The following INPP4A variants were observed in gnomAD, a reference collection of about 807,000 sequenced individuals.
The protein encoded by INPP4A is inositol polyphosphate-4-phosphatase type I A.
A neutral mutation model predicts 119.8 loss-of-function variants in INPP4A; 33 were observed. The ratio of observed to expected loss-of-function variants is 0.28; its 90% CI spans 0.21 to 0.37. The LOEUF (loss-of-function observed/expected upper bound fraction) is 0.37. Ranked by LOEUF, INPP4A falls within the 10% of genes least tolerant of loss-of-function variation. The pLI is 1.00. For missense variants in INPP4A, 956 were observed against 1,289.9 expected (o/e 0.74, Z 3.97); for synonymous variants, 496 against 500.7 (o/e 0.99, Z 0.12).
chr2:98,476,020 A>T (rs999616436), intron 1 of INPP4A, among the ~76,000 whole-genome samples: 1 of 152,216 alleles, frequency 6.6e-6, no homozygotes, highest in Admixed American at 6.5e-5. Flanking sequence ...AACTCCAAAT[A>T]GCTTTGTGGT....
intron 1 of INPP4A, among the ~76,000 whole-genome samples, chr2:98,515,931 G>A (rs1251836268): frequency 3.3e-5 from 5 of 152,336 alleles, no homozygotes; most frequent in Middle Eastern, 3.4e-3. Flanking sequence ...ATGGCCTGCC[G>A]CCTCTTGTCG....
chr2:98,567,611 A>G (rs144161572), intron 21 of INPP4A, among the ~76,000 whole-genome samples: 1 of 152,210 alleles, frequency 6.6e-6, no homozygotes, highest in African/African-American at 2.4e-5. Flanking sequence ...AGCCAGGTGC[A>G]TTGAATAGAG....
Position 98,546,618 on chromosome 2 carries a change from C to G in INPP4A, c.1087C>G (p.Pro363Ala). 1 of 1,613,862 alleles carries G rather than the reference C, an allele frequency of 6.2e-7. No individual in the cohort carries two copies. Among genetic ancestry groups the G allele is most frequent in the Middle Eastern group, 1.6e-4 (1 of 6,062 alleles). Residue 363 changes from proline to alanine, a missense_variant, in exon 13 of 25, where the codon CCA becomes GCA. Around this residue, in one of 2 missense-constraint regions of INPP4A, gnomAD observed 652 missense variants for 797.9 expected, o/e 0.82. Transcript: ENST00000409851. This position sits in a 1 kb window ranked among gnomAD's most constrained non-coding sequence, Gnocchi z 4.2. ...CTACGACATCGTCACCATTGGGGCGCCAGCAGCACACTGCCAAGGTTTTAA... is the reference window on the plus strand; with the variant it reads ...CTACGACATCGTCACCATTGGGGCGGCAGCAGCACACTGCCAAGGTTTTAA... ...QNYDIVTIGAPAAHCQGFKSG... is the reference protein window; with the variant it reads ...QNYDIVTIGAAAAHCQGFKSG...
At chr2:98,487,152 GGTACATT>G (rs1363861695) in intron 1 of INPP4A, among the ~76,000 whole-genome samples, 1 of 152,184 alleles carries the variant, frequency 6.6e-6, no homozygotes, top group Non-Finnish European at 1.5e-5. Flanking sequence ...TAATCACCAT[GGTACATT>G]GTAGTGTGTT....
intron 1 of INPP4A, among the ~76,000 whole-genome samples, chr2:98,486,142 T>TC (rs1679493312): frequency 6.6e-6 from 1 of 152,238 alleles, no homozygotes; most frequent in African/African-American, 2.4e-5. Flanking sequence ...TAGCTTTTTT[T>TC]CTGGATACTT....
intron 18 of INPP4A, 112 bp from the exon 19 acceptor site, chr2:98,564,528 C>A: frequency 7.4e-7 from 1 of 1,342,546 alleles, no homozygotes. Flanking sequence ...CACTGAAGCC[C>A]CTTTGAGCAG....
chr2:98,512,576 C>G (rs767153274), intron 1 of INPP4A, among the ~76,000 whole-genome samples: 1 of 152,170 alleles, frequency 6.6e-6, no homozygotes, highest in Admixed American at 6.5e-5. Context: ...GCATGAGAGA[C>G]AGAGAGGAAA....
At chr2:98,489,320 T>C (rs1419632672) in intron 1 of INPP4A, among the ~76,000 whole-genome samples, 1 of 151,232 alleles carries the variant, frequency 6.6e-6, no homozygotes, top group Non-Finnish European at 1.5e-5. Context: ...GCCTTAGGAG[T>C]GTCATTAGGG....
chr2:98,477,207 G>A (rs1020203789), intron 1 of INPP4A, among the ~76,000 whole-genome samples: 1 of 152,256 alleles, frequency 6.6e-6, no homozygotes, highest in African/African-American at 2.4e-5. Flanking sequence ...AGCGTGGCGG[G>A]TGAGCGGCAG....
At chr2:98,582,709 ACTG>A (rs1419467938) in intron 24 of INPP4A, among the ~76,000 whole-genome samples, 2 of 150,952 alleles carry the variant, frequency 1.3e-5, no homozygotes, top group African/African-American at 4.9e-5. Flanking sequence ...AAGATCACCT[ACTG>A]CATACACCAG....
In INPP4A at chr2:98,590,423, C is replaced by CT. The variant is rs1491104538; in HGVS notation, c.*2816dup. On this transcript the variant is annotated 3_prime_UTR_variant, in exon 25 of 25. Coordinates refer to ENST00000409851, the MANE Select transcript of INPP4A (RefSeq NM_001134225.2). Reference sequence around the variant, plus strand: ...TTCTGCCCCTGACTGGCTGGTGACTCTGAGCAAGTTGCTTGACCTCTCCAA... The same window carrying CT: ...TTCTGCCCCTGACTGGCTGGTGACTCTTGAGCAAGTTGCTTGACCTCTCCAA... 12 of 188,038 alleles carry CT rather than the reference C, an allele frequency of 6.4e-5. No individual in the cohort carries two copies. Among genetic ancestry groups the CT allele is most frequent in the Admixed American group, 3.1e-4 (5 of 16,190 alleles). 11.6% of individuals were successfully genotyped at this position (188,038 alleles called of 1,614,324 possible).
chr2:98,497,254 A>G (rs1017151208), intron 1 of INPP4A, among the ~76,000 whole-genome samples: 3 of 152,140 alleles, frequency 2.0e-5, no homozygotes, highest in African/African-American at 7.2e-5. Flanking sequence ...CAGAGGCTGT[A>G]TGGAAACTCC....
chr2:98,509,958 C>G (rs1421349695), intron 1 of INPP4A, among the ~76,000 whole-genome samples: 1 of 152,184 alleles, frequency 6.6e-6, no homozygotes, highest in East Asian at 1.9e-4. Flanking sequence ...GCCTTGTTAT[C>G]TGAGGAAGGG....
At chr2:98,556,635 G>A (rs1694540517) in intron 16 of INPP4A, among the ~76,000 whole-genome samples, 1 of 152,266 alleles carries the variant, frequency 6.6e-6, no homozygotes, top group African/African-American at 2.4e-5. Context: ...TTAAGTCATA[G>A]TAGGTAAGGC....
chr2:98,516,395 A>T (rs1686130699), intron 1 of INPP4A, among the ~76,000 whole-genome samples: 1 of 152,194 alleles, frequency 6.6e-6, no homozygotes, highest in African/African-American at 2.4e-5. Flanking sequence ...TATCTCCAGA[A>T]ACCTCATGAT....
intron 1 of INPP4A, among the ~76,000 whole-genome samples, chr2:98,494,692 G>A (rs1438877873): frequency 6.6e-6 from 1 of 152,102 alleles, no homozygotes; most frequent in African/African-American, 2.4e-5. Flanking sequence ...CAAAAGCTTG[G>A]GCCAGAGACC....
chr2:98,462,191 A>G (rs1217779432), intron 1 of INPP4A, among the ~76,000 whole-genome samples: 2 of 152,210 alleles, frequency 1.3e-5, no homozygotes, highest in African/African-American at 2.4e-5. Flanking sequence ...GCTCACGCCT[A>G]TGATCCCAGC....
chr2:98,488,935 CTGTGTG>C (rs55758146), intron 1 of INPP4A, among the ~76,000 whole-genome samples: 9,620 of 126,002 alleles, frequency 0.076, 475 homozygotes, highest in African/African-American at 0.15. Context: ...AGTACATGCA[CTGTGTG>C]TGTGTGTGTG....
intron 20 of INPP4A, 131 bp downstream of exon 20, chr2:98,565,897 TA>T: frequency 6.7e-7 from 1 of 1,499,676 alleles, no homozygotes; most frequent in Non-Finnish European, 9.1e-7. Flanking sequence ...CCCCCTAGGT[TA>T]GTGCCACTCC....
Sources: allele counts gnomAD v4.1 joint callset (sites outside exome capture counted in the v4.1 genomes callset), GRCh38; gene constraint gnomAD v4.1.1; regional missense constraint gnomAD v4.1.1; non-coding constraint Gnocchi (gnomAD v3.1); transcripts MANE v1.5; gene names NCBI Gene and HGNC (gene_info 2026-07-23, HGNC 2026-07-21).